The following CFAP20DC variants were observed in gnomAD, a reference collection of about 807,000 sequenced individuals.
CFAP20DC encodes the protein protein CFAP20DC.
CFAP20DC carries 84 observed loss-of-function variants against 101.7 expected under a neutral mutation model. The ratio of observed to expected loss-of-function variants is 0.83; its 90% CI spans 0.69 to 0.99. CFAP20DC has a LOEUF of 0.99. CFAP20DC is among the 50% of genes least tolerant of loss of function. CFAP20DC has a pLI of 0.00. For missense variants in CFAP20DC, 1,007 were observed against 970.3 expected (o/e 1.04, Z -0.50); for synonymous variants, 359 against 351.2 (o/e 1.02, Z -0.25).
chr3:58,990,754 G>GGTGTGT (rs71091398), intron 4 of CFAP20DC, among the ~76,000 whole-genome samples: 5,780 of 144,006 alleles, frequency 0.04, 140 homozygotes, highest in Non-Finnish European at 0.058. Context: ...ATGCTCAGCT[G>GGTGTGT]GTGTGTGTGT....
chr3:58,896,944 A>T (rs2082715215), intron 6 of CFAP20DC, among the ~76,000 whole-genome samples: 1 of 151,820 alleles, frequency 6.6e-6, no homozygotes, highest in South Asian at 2.1e-4. Flanking sequence ...ATCTTTGTGA[A>T]TTTTTTGCTT....
chr3:58,878,387 A>G (rs1186800787), intron 7 of CFAP20DC, among the ~76,000 whole-genome samples: 1 of 152,202 alleles, frequency 6.6e-6, no homozygotes, highest in African/African-American at 2.4e-5. Flanking sequence ...GGGTAAAGTT[A>G]GGATATTTAG....
At chr3:58,866,190 G>A (rs1178046860) in intron 11 of CFAP20DC, among the ~76,000 whole-genome samples, 1 of 152,086 alleles carries the variant, frequency 6.6e-6, no homozygotes, top group Non-Finnish European at 1.5e-5. Context: ...CTTTGTAAAA[G>A]TAGCACACAC....
In CFAP20DC at chr3:58,724,725, A is replaced by G. The variant is rs1361236591; in HGVS notation, c.198-7097T>C. Among the ~76,000 whole-genome samples, 1 of 152,172 alleles carries G rather than the reference A, an allele frequency of 6.6e-6. No individual in the cohort carries two copies. The highest frequency in any genetic ancestry group is 1.5e-5 in the Non-Finnish European group (1 of 68,036). The stretch of plus-strand genomic sequence containing the variant: ...CGCCTTTTGCAGCCTCCATTTTGCA[A>G]CTGGCCCCCTGGCTCCCACCTTTAT... On this transcript the variant is annotated intron_variant, in intron 3 of 3. Transcript: ENST00000486145. This position sits in a 1 kb window ranked among gnomAD's most constrained non-coding sequence, Gnocchi z 5.6.
At chr3:58,730,073 G>C (rs1181789096) in intron 3 of CFAP20DC, among the ~76,000 whole-genome samples, 1 of 151,474 alleles carries the variant, frequency 6.6e-6, no homozygotes, top group Non-Finnish European at 1.5e-5. Flanking sequence ...TTTTCAGCAG[G>C]TGACACAATA....
chr3:58,797,270 GA>G (rs1340906961), intron 15 of CFAP20DC, among the ~76,000 whole-genome samples: 1 of 152,154 alleles, frequency 6.6e-6, no homozygotes, highest in Non-Finnish European at 1.5e-5. Context: ...GTTCTCGAAG[GA>G]AATTCGAAGT....
intron 4 of CFAP20DC, among the ~76,000 whole-genome samples, chr3:58,969,498 T>C (rs562654677): frequency 4.0e-4 from 61 of 152,258 alleles, no homozygotes; most frequent in African/African-American, 1.3e-3. Context: ...AAAACATATG[T>C]CCACACACAA....
chr3:58,795,000 C>T (rs369337918), intron 15 of CFAP20DC, among the ~76,000 whole-genome samples: 1 of 152,122 alleles, frequency 6.6e-6, no homozygotes, highest in Non-Finnish European at 1.5e-5. Flanking sequence ...CTGGCTGTAG[C>T]CATTTAACAA....
chr3:58,831,611 C>T, intron 14 of CFAP20DC, 75 bp downstream of exon 14: 1 of 1,319,716 alleles, frequency 7.6e-7, no homozygotes, highest in Non-Finnish European at 1.1e-6. Flanking sequence ...CTTTTCCAGG[C>T]AAAGCTGGGA....
chr3:58,747,241 T>G (rs965753355), intron 16 of CFAP20DC, among the ~76,000 whole-genome samples: 9 of 152,182 alleles, frequency 5.9e-5, no homozygotes, highest in African/African-American at 2.2e-4. Context: ...ACTTTCAGCC[T>G]CATCCACTCT....
chr3:58,884,990 ATTTTC>A (rs1278031272), intron 6 of CFAP20DC, among the ~76,000 whole-genome samples: 1 of 152,078 alleles, frequency 6.6e-6, no homozygotes, highest in Non-Finnish European at 1.5e-5. Flanking sequence ...AATATTCCAT[ATTTTC>A]TTTTCAATAC....
At chr3:59,032,197 A>T (rs2094007952) in intron 4 of CFAP20DC, among the ~76,000 whole-genome samples, 1 of 152,118 alleles carries the variant, frequency 6.6e-6, no homozygotes, top group Admixed American at 6.5e-5. Context: ...GGTCTTCACA[A>T]CCTGCAGACC....
At chr3:58,884,458 G>A (rs954767891) in intron 7 of CFAP20DC, 87 bp downstream of exon 7, 2 of 1,240,224 alleles carry the variant, frequency 1.6e-6, no homozygotes, top group Admixed American at 3.6e-5. Context: ...AGAAGAATGA[G>A]GTACAGTGCC....
intron 13 of CFAP20DC, among the ~76,000 whole-genome samples, chr3:58,836,966 G>T (rs368685806): frequency 2.6e-4 from 40 of 152,244 alleles, no homozygotes; most frequent in African/African-American, 9.1e-4. Flanking sequence ...CTAAGAAGGG[G>T]CTTGAAGGAG....
intron 15 of CFAP20DC, among the ~76,000 whole-genome samples, chr3:58,785,616 T>C (rs1401978283): frequency 6.6e-6 from 1 of 152,044 alleles, no homozygotes; most frequent in Non-Finnish European, 1.5e-5. Context: ...AGGATACACA[T>C]AGAATGAAGA....
chr3:58,896,316 A>G (rs1339853249), intron 6 of CFAP20DC, among the ~76,000 whole-genome samples: 1 of 151,582 alleles, frequency 6.6e-6, no homozygotes, highest in Non-Finnish European at 1.5e-5. Flanking sequence ...TACTTTATTA[A>G]TTTTTTTCAA....
At chr3:58,957,438 T>G (rs1240467793) in intron 4 of CFAP20DC, among the ~76,000 whole-genome samples, 1 of 152,070 alleles carries the variant, frequency 6.6e-6, no homozygotes, top group Admixed American at 6.6e-5. Context: ...TGGAGAACAG[T>G]TTTGAGGTTC....
intron 16 of CFAP20DC, among the ~76,000 whole-genome samples, chr3:58,743,836 T>C (rs2068016588): frequency 6.6e-6 from 1 of 152,178 alleles, no homozygotes; most frequent in African/African-American, 2.4e-5. Context: ...GAGTGGTGCC[T>C]ACATGGTGAA....
In CFAP20DC at chr3:58,721,057, T is replaced by C. The variant is rs1275959256; in HGVS notation, c.198-3429A>G. ...TCCAAGGCTAGGTTAGGTTCCTCAT[T>C]TTTCTCTCCCAGAGCTTTTCTTTCA... On this transcript the variant is annotated intron_variant, in intron 3 of 3. Coordinates refer to the CFAP20DC transcript ENST00000486145. The surrounding 1 kb of genome is among the most constrained non-coding windows in gnomAD (Gnocchi z 5.2). 2.0e-5 allele frequency among the ~76,000 whole-genome samples: 3 copies of C among 152,090 alleles called. No individual in the cohort carries two copies. In the South Asian group the frequency reaches 6.2e-4, roughly 32 times the overall value.
Sources: allele counts gnomAD v4.1 joint callset (sites outside exome capture counted in the v4.1 genomes callset), GRCh38; gene constraint gnomAD v4.1.1; non-coding constraint Gnocchi (gnomAD v3.1); transcripts MANE v1.5; gene names NCBI Gene and HGNC (gene_info 2026-07-23, HGNC 2026-07-21).